ACTA2: variants seen among roughly 807,000 people sequenced by gnomAD.
ACTA2 encodes the protein actin, aortic smooth muscle.
ACTA2 carries 12 observed loss-of-function variants against 39.5 expected under a neutral mutation model. The ratio of observed to expected loss-of-function variants is 0.30; its 90% CI spans 0.19 to 0.49. The LOEUF is 0.49. ACTA2 is among the 20% of genes least tolerant of loss of function. The pLI is 0.99. For synonymous variants in ACTA2, 158 were observed against 180.6 expected, an observed-to-expected ratio of 0.88 and a Z score of 1.00; for missense variants, 236 against 498.8, an observed-to-expected ratio of 0.47 and a Z score of 5.02.
intron 1 of ACTA2, among the ~76,000 whole-genome samples, chr10:88,987,949 G>GA (rs74263159): frequency 2.5e-4 from 36 of 142,716 alleles, no homozygotes; most frequent in Admixed American, 4.2e-4. Context: ...CCTTAAAAAA[G>GA]AAAAAAAAAA....
chr10:88,962,323 CAAT>C (rs1461957920), intron 1 of ACTA2, among the ~76,000 whole-genome samples: 2 of 152,160 alleles, frequency 1.3e-5, no homozygotes, highest in African/African-American at 4.8e-5. Context: ...GATCTACAAA[CAAT>C]AACCAATCCA....
intron 1 of ACTA2, among the ~76,000 whole-genome samples, chr10:88,988,157 G>A (rs1436459973): frequency 1.3e-5 from 2 of 152,066 alleles, no homozygotes; most frequent in Admixed American, 6.5e-5. Flanking sequence ...AGAGAACCCT[G>A]ACTAAAAGAA....
At chr10:88,937,943 TA>T in intron 8 of ACTA2, 117 bp downstream of exon 8, 2 of 1,164,622 alleles carry the variant, frequency 1.7e-6, no homozygotes, top group Non-Finnish European at 1.3e-6. Flanking sequence ...GTCCATTACC[TA>T]CCCCTAAAAC....
chr10:88,988,386 C>CAAA (rs971804918), intron 1 of ACTA2, among the ~76,000 whole-genome samples: 2 of 142,484 alleles, frequency 1.4e-5, no homozygotes, highest in Non-Finnish European at 3.1e-5. Flanking sequence ...GGGAAAAGAA[C>CAAA]AAAAGTCTTA....
chr10:88,989,652 G>A (rs1005821518), intron 1 of ACTA2: 1 of 494,254 alleles, frequency 2.0e-6, no homozygotes, highest in Non-Finnish European at 4.0e-6. Flanking sequence ...CTAGATTTGA[G>A]GGCCCAAACA....
intron 8 of ACTA2, among the ~76,000 whole-genome samples, chr10:88,936,770 T>C (rs761123680): frequency 1.3e-5 from 2 of 152,194 alleles, no homozygotes; most frequent in African/African-American, 4.8e-5. Context: ...TATTTCTTTA[T>C]AGCAACGCAA....
intron 1 of ACTA2, among the ~76,000 whole-genome samples, chr10:88,959,343 G>C (rs1846190399): frequency 1.3e-5 from 2 of 152,164 alleles, no homozygotes; most frequent in African/African-American, 4.8e-5. Context: ...TCTGAGATGG[G>C]ACACAGATGT....
chr10:88,979,458 C>G (rs750917373), intron 1 of ACTA2, among the ~76,000 whole-genome samples: 1 of 151,998 alleles, frequency 6.6e-6, no homozygotes, highest in Non-Finnish European at 1.5e-5. Flanking sequence ...TGTCAGGAAC[C>G]CTTAAAATGT....
intron 1 of ACTA2, among the ~76,000 whole-genome samples, chr10:88,964,296 G>A (rs1264102919): frequency 3.3e-5 from 5 of 152,156 alleles, no homozygotes. Context: ...GTATATATGG[G>A]AGATACCCAG....
chr10:88,937,826 G>A (rs1325989042), intron 8 of ACTA2, among the ~76,000 whole-genome samples: 1 of 152,190 alleles, frequency 6.6e-6, no homozygotes, highest in Admixed American at 6.5e-5. Context: ...TGCAGCTACT[G>A]AAAGTAGCTG....
At chr10:88,944,332 A>G (rs999476421) in intron 3 of ACTA2, among the ~76,000 whole-genome samples, 1 of 152,222 alleles carries the variant, frequency 6.6e-6, no homozygotes, top group African/African-American at 2.4e-5. Context: ...GTAAATAAAT[A>G]AGGTAACCCT....
chr10:88,943,800 A>T lies in ACTA2; in HGVS notation c.366T>A (p.Thr122=), dbSNP rs1327833502. The T allele has an allele frequency of 6.2e-7, 1 of 1,612,446 alleles. No homozygotes were observed. The highest frequency in any genetic ancestry group is 8.5e-7 in the Non-Finnish European group (1 of 1,178,656). The change falls in exon 4 of 9, where the codon ACT becomes ACA. Residue 122 remains threonine (T), a synonymous_variant. Coordinates refer to ENST00000224784, the MANE Select transcript of ACTA2 (RefSeq NM_001613.4). ...TGTGCTGGGGTAGCATACTTACTTGAGTCATTTTCTCCCGGTTGGCCTTGG... is the reference window on the plus strand; with the variant it reads ...TGTGCTGGGGTAGCATACTTACTTGTGTCATTTTCTCCCGGTTGGCCTTGG... ...LNPKANREKM[T]QIMFETFNVP...
At chr10:88,972,643 T>C (rs903502848) in intron 1 of ACTA2, among the ~76,000 whole-genome samples, 3 of 152,196 alleles carry the variant, frequency 2.0e-5, no homozygotes, top group Non-Finnish European at 4.4e-5. Flanking sequence ...GGGATTACAA[T>C]ATACATCCTT....
At chr10:88,971,446 GT>G (rs1846445290) in intron 1 of ACTA2, among the ~76,000 whole-genome samples, 1 of 152,224 alleles carries the variant, frequency 6.6e-6, no homozygotes, top group Non-Finnish European at 1.5e-5. Context: ...TTAAATTCAA[GT>G]TAGGATCTGA....
At chr10:88,957,314 G>A (rs532702662), upstream of ACTA2, among the ~76,000 whole-genome samples, 1 of 152,302 alleles carries the variant, frequency 6.6e-6, no homozygotes, top group African/African-American at 2.4e-5. Context: ...CAAAATACAT[G>A]TCAGATTGCA....
chr10:88,973,312 G>A, intron 1 of ACTA2: 2 of 1,591,580 alleles, frequency 1.3e-6, no homozygotes, highest in Non-Finnish European at 1.7e-6. Context: ...GAACAGCTCT[G>A]AGAGAGACAA....
intron 1 of ACTA2, among the ~76,000 whole-genome samples, chr10:88,987,075 A>AG (rs1846919126): frequency 6.6e-6 from 1 of 152,198 alleles, no homozygotes; most frequent in Admixed American, 6.5e-5. Context: ...AAGAACCCAT[A>AG]CATATTTCTA....
chr10:88,937,909 C>T lies in ACTA2; in HGVS notation c.990+152G>A, dbSNP rs185108071. On this transcript the variant is annotated intron_variant, in intron 8 of 8. Coordinates refer to ENST00000224784, the MANE Select transcript of ACTA2 (RefSeq NM_001613.4). ...TTTTCTTATGAACTAGATTGACTTA[C>T]ATCCTGTAAAATATGAGATTTGTGT... is the stretch of plus-strand genomic sequence containing the variant. 73 of 827,788 alleles carry T rather than the reference C, an allele frequency of 8.8e-5. 1 individual carries two copies. The highest frequency in any genetic ancestry group is 8.6e-4 in the East Asian group (32 of 37,274). The allele number at this position is 827,788 out of a possible 1,614,324, so 51.3% of individuals were successfully genotyped here. A position where few individuals can be genotyped will look rare whatever the true frequency, so the allele number is the denominator to read the frequency against.
At chr10:88,978,789 C>T (rs2133342116) in intron 1 of ACTA2, among the ~76,000 whole-genome samples, 1 of 152,234 alleles carries the variant, frequency 6.6e-6, no homozygotes. Flanking sequence ...CTAAATTGTT[C>T]CACGTCTAAT....
Sources: allele counts gnomAD v4.1 joint callset (sites outside exome capture counted in the v4.1 genomes callset), GRCh38; gene constraint gnomAD v4.1.1; transcripts MANE v1.5; gene names NCBI Gene and HGNC (gene_info 2026-07-23, HGNC 2026-07-21).